COL4A6: variants seen among roughly 807,000 people sequenced by gnomAD.
COL4A6 encodes the protein collagen type IV alpha 6 chain.
A neutral mutation model predicts 126.7 loss-of-function variants in COL4A6; 59 were observed. The observed-to-expected ratio is 0.47, with a 90% CI of 0.38 to 0.58. The LOEUF (loss-of-function observed/expected upper bound fraction) is 0.58. COL4A6 is among the 20% of genes least tolerant of loss of function. The probability of loss-of-function intolerance (pLI) is 0.00; values close to 1 mark genes in which losing one functional copy is unlikely to be tolerated. For synonymous variants in COL4A6, 547 were observed against 496.6 expected, an observed-to-expected ratio of 1.10 and a Z score of -1.35; for missense variants, 1,285 against 1,337.3, an observed-to-expected ratio of 0.96 and a Z score of 0.61.
At chrX:108,264,096 G>A (rs1414609938) in intron 3 of COL4A6, among the ~76,000 whole-genome samples, 1 of 111,352 alleles carries the variant, frequency 9.0e-6, no homozygotes, top group African/African-American at 3.3e-5. Flanking sequence ...GTACTTAAAT[G>A]TCGAGATTAT....
chrX:108,341,533 T>A (rs1854995), intron 2 of COL4A6, among the ~76,000 whole-genome samples: 17,852 of 110,408 alleles, frequency 0.16, 1,691 homozygotes, highest in East Asian at 0.57. Flanking sequence ...CCTGCCACCA[T>A]GAAAGATGTG....
intron 3 of COL4A6, among the ~76,000 whole-genome samples, chrX:108,261,388 A>G (rs779873162): frequency 2.7e-5 from 3 of 111,367 alleles, no homozygotes; most frequent in Admixed American, 9.6e-5. Context: ...GGTTTAGAGA[A>G]AGCTGCCATG....
At chrX:108,332,804 A>T (rs1157434745) in intron 2 of COL4A6, among the ~76,000 whole-genome samples, 1 of 110,660 alleles carries the variant, frequency 9.0e-6, no homozygotes, top group African/African-American at 3.3e-5. Context: ...TACTCTGTCA[A>T]TTATTTCTTT....
At chrX:108,316,043 G>A (rs1212630024) in intron 2 of COL4A6, among the ~76,000 whole-genome samples, 2 of 111,873 alleles carry the variant, frequency 1.8e-5, no homozygotes, top group Non-Finnish European at 3.8e-5. Context: ...GCTTTTCTAG[G>A]CATCACCAGT....
chrX:108,203,858 C>T (rs1445551372), intron 12 of COL4A6, among the ~76,000 whole-genome samples: 3 of 111,813 alleles, frequency 2.7e-5, no homozygotes, highest in African/African-American at 9.7e-5. Flanking sequence ...GACAGTATAT[C>T]CTATTTTCAG....
At chrX:108,346,190 A>G (rs1451211934) in intron 2 of COL4A6, among the ~76,000 whole-genome samples, 1 of 111,663 alleles carries the variant, frequency 9.0e-6, no homozygotes, top group Non-Finnish European at 1.9e-5. Context: ...TTTAATGAAC[A>G]TAGAATTTAT....
intron 2 of COL4A6, among the ~76,000 whole-genome samples, chrX:108,432,393 A>G (rs2064188596): frequency 8.9e-6 from 1 of 112,719 alleles, no homozygotes; most frequent in Admixed American, 9.4e-5. Context: ...AAATGTAAGT[A>G]AATATCTTTT....
At chrX:108,159,834 C>T (rs772402943) in intron 43 of COL4A6, 86 bp from the exon 44 acceptor site, 97 of 1,017,776 alleles carry the variant, frequency 9.5e-5, no homozygotes, top group Non-Finnish European at 1.2e-4. Flanking sequence ...CATCCAACCA[C>T]TTGCACCAGA....
intron 3 of COL4A6, among the ~76,000 whole-genome samples, chrX:108,265,057 T>C (rs906878837): frequency 1.8e-5 from 2 of 111,931 alleles, no homozygotes; most frequent in Non-Finnish European, 3.8e-5. Context: ...AGGATTAAAT[T>C]AGGTAATGTC....
intron 32 of COL4A6, among the ~76,000 whole-genome samples, chrX:108,171,801 G>T (rs930658506): frequency 5.0e-4 from 56 of 112,039 alleles, no homozygotes; most frequent in African/African-American, 1.8e-3. Flanking sequence ...TGCCTAGTGG[G>T]CTGGGTTTAT....
chrX:108,317,276 A>G (rs1300107981), intron 2 of COL4A6, among the ~76,000 whole-genome samples: 1 of 112,367 alleles, frequency 8.9e-6, no homozygotes, highest in East Asian at 2.8e-4. Context: ...ACAAGGATGC[A>G]ATTGCCATTT....
At chrX:108,357,489 T>C (rs1385078118) in intron 2 of COL4A6, among the ~76,000 whole-genome samples, 1 of 111,385 alleles carries the variant, frequency 9.0e-6, no homozygotes, top group Non-Finnish European at 1.9e-5. Flanking sequence ...TGACAAACAC[T>C]GAGGTAAGAC....
intron 3 of COL4A6, among the ~76,000 whole-genome samples, chrX:108,229,836 C>A (rs1020127902): frequency 3.6e-5 from 4 of 111,563 alleles, no homozygotes; most frequent in African/African-American, 1.3e-4. Context: ...ACAGGGAACC[C>A]CATGAGGGGT....
intron 3 of COL4A6, among the ~76,000 whole-genome samples, chrX:108,274,929 T>C (rs903066949): frequency 2.7e-5 from 3 of 111,454 alleles, no homozygotes; most frequent in Admixed American, 1.9e-4. Flanking sequence ...CAATATCCCA[T>C]CATATTCACA....
Position 108,166,062 on chromosome X carries a change from C to A in COL4A6, c.3692-576G>T, listed in dbSNP as rs1051110677. ...TTTTATAGGTCATTCATGATATGAG[C>A]CAAGTGATTGCTTAATTGCCTATGG... On this transcript the variant is annotated intron_variant, in intron 37 of 44. Coordinates refer to ENST00000334504, the MANE Select transcript of COL4A6 (RefSeq NM_033641.4). Among the ~76,000 whole-genome samples, 3 of 112,349 alleles carry A rather than the reference C, an allele frequency of 2.7e-5. No homozygotes were observed. In the Admixed American group the frequency reaches 2.8e-4, roughly 11 times the overall value.
intron 4 of COL4A6, among the ~76,000 whole-genome samples, chrX:108,220,218 C>T (rs1333779220): frequency 8.9e-6 from 1 of 112,174 alleles, no homozygotes; most frequent in Admixed American, 9.4e-5. Context: ...CTTCAGGAAC[C>T]AGGGGCACCC....
Position 108,178,708 on chromosome X carries a change from C to T in COL4A6, c.2491G>A (p.Ala831Thr), listed in dbSNP as rs765857115. ...GIKGKSGLPG[A>T]PGFPGISGHP... is the part of the protein sequence containing the mutation. ...CCTGAGATGCCTGGGAAGCCTGGTG[C>T]TCCTGGGAGCCCAGATTTGCCCTTG... is the stretch of plus-strand genomic sequence containing the variant. The change falls in exon 27 of 45, where the codon GCA becomes ACA. Residue 831 changes from alanine (A) to threonine (T), a missense_variant. By Grantham distance (58) the Ala-to-Thr change is moderately conservative. Transcript: ENST00000334504. 2.6e-5 allele frequency: 32 copies of T among 1,209,854 alleles called. No homozygotes were observed. Among genetic ancestry groups the T allele is most frequent in the South Asian group, 3.5e-5 (2 of 56,697 alleles).
At chrX:108,405,384 C>T (rs62601458) in intron 2 of COL4A6, among the ~76,000 whole-genome samples, 32,559 of 107,709 alleles carry the variant, frequency 0.3, 4,937 homozygotes, top group Non-Finnish European at 0.44. Flanking sequence ...GGGTTTTCAC[C>T]GTGTTGGCCA....
chrX:108,323,294 A>G (rs1201557047), intron 2 of COL4A6, among the ~76,000 whole-genome samples: 1 of 112,296 alleles, frequency 8.9e-6, no homozygotes, highest in Non-Finnish European at 1.9e-5. Flanking sequence ...GTTGGGCACT[A>G]TGGAAAAAAG....
Sources: gnomAD v4.1 joint callset for allele counts (sites outside exome capture counted in the v4.1 genomes callset) on GRCh38, gnomAD v4.1.1 for gene constraint, MANE v1.5 for transcripts, NCBI Gene and HGNC (gene_info 2026-07-23, HGNC 2026-07-21) for gene names.